EMC2: variants seen among roughly 807,000 people sequenced by gnomAD.
EMC2 encodes ER membrane protein complex subunit 2.
In EMC2, 37 loss-of-function variants were observed where a neutral mutation model predicts 51.6. The observed-to-expected ratio is 0.72, with a 90% CI of 0.55 to 0.94. The LOEUF is 0.94. Ranked by LOEUF, EMC2 falls within the 40% of genes least tolerant of loss-of-function variation. The pLI is 0.00. For synonymous variants in EMC2, 131 were observed against 112.4 expected (o/e 1.17, Z -1.04); for missense variants, 359 against 350.9 (o/e 1.02, Z -0.18).
intron 10 of EMC2, among the ~76,000 whole-genome samples, chr8:108,483,235 A>G (rs1051435336): frequency 1.3e-5 from 2 of 152,110 alleles, no homozygotes; most frequent in African/African-American, 4.8e-5. Context: ...GACCCCCTTG[A>G]GGTATATTGA....
intron 3 of EMC2, among the ~76,000 whole-genome samples, chr8:108,451,790 CAATT>C (rs1461219558): frequency 6.6e-6 from 1 of 152,132 alleles, no homozygotes; most frequent in African/African-American, 2.4e-5. Flanking sequence ...GCAGTATACA[CAATT>C]AAACAGTAAC....
intron 3 of EMC2, among the ~76,000 whole-genome samples, chr8:108,452,522 G>A (rs751129681): frequency 1.3e-4 from 20 of 152,192 alleles, no homozygotes; most frequent in Non-Finnish European, 2.4e-4. Context: ...AGCCAGGATC[G>A]TGCCACTGCA....
At chr8:108,460,249 T>C (rs1002168255) in intron 5 of EMC2, among the ~76,000 whole-genome samples, 6 of 152,222 alleles carry the variant, frequency 3.9e-5, no homozygotes. Context: ...TTGGGAATTT[T>C]TAATAAGTTA....
At position 108,450,616 on chromosome 8, in the gene EMC2, A is replaced by G. The variant is rs1468642283; in HGVS notation, c.219+124A>G. 6 of 694,120 alleles carry G rather than the reference A, an allele frequency of 8.6e-6. No individual in the cohort carries two copies. In the African/African-American group the frequency reaches 1.1e-4, roughly 12 times the overall value. 43.0% of individuals were successfully genotyped at this position (694,120 alleles called of 1,614,324 possible). On this transcript the variant is annotated intron_variant, in intron 3 of 10. Transcript: ENST00000220853. ...AGTTTTGAGTGCTACTCTGAACAGT[A>G]AGTGGAACTAACTAGATATTTTAGG...
chr8:108,465,786 T>C (rs1336527897), intron 5 of EMC2, among the ~76,000 whole-genome samples: 1 of 152,240 alleles, frequency 6.6e-6, no homozygotes, highest in Non-Finnish European at 1.5e-5. Flanking sequence ...AGGGATGATA[T>C]AATTTGTTTA....
intron 7 of EMC2, among the ~76,000 whole-genome samples, chr8:108,473,097 A>G (rs1051658121): frequency 6.6e-6 from 1 of 152,094 alleles, no homozygotes; most frequent in African/African-American, 2.4e-5. Flanking sequence ...AAAAAGGGAT[A>G]TAGAATTGTG....
chr8:108,477,479 A>T (rs760653789), intron 9 of EMC2, among the ~76,000 whole-genome samples: 1 of 152,078 alleles, frequency 6.6e-6, no homozygotes. Context: ...ACCTCCCTAC[A>T]ATAAGAAACG....
chr8:108,468,631 A>T (rs559245858), intron 5 of EMC2, among the ~76,000 whole-genome samples: 8 of 152,118 alleles, frequency 5.3e-5, no homozygotes, highest in Non-Finnish European at 8.8e-5. Context: ...ACCACCCCGT[A>T]ATGAGTAGCT....
chr8:108,486,660 A>T lies in EMC2; in HGVS notation c.*62A>T. ...GCACAATTGAACTTATTGGCCTGTA[A>T]CTTATTTACTAAATGCTCAGTGCTA... On this transcript the variant is annotated 3_prime_UTR_variant, in exon 11 of 11. Coordinates refer to ENST00000220853, the MANE Select transcript of EMC2 (RefSeq NM_014673.5). The T allele has an allele frequency of 6.7e-7, 1 of 1,482,636 alleles. No homozygotes were observed. The highest frequency in any genetic ancestry group is 9.1e-7 in the Non-Finnish European group (1 of 1,098,476). The allele number at this position is 1,482,636 out of a possible 1,614,324, so 91.8% of individuals were successfully genotyped here.
At chr8:108,454,658 T>G (rs1430421588) in intron 4 of EMC2, among the ~76,000 whole-genome samples, 1 of 152,090 alleles carries the variant, frequency 6.6e-6, no homozygotes, top group East Asian at 1.9e-4. Context: ...TTTATTCATT[T>G]TCTAATGCTC....
chr8:108,455,275 G>A (rs1326201516), intron 4 of EMC2, among the ~76,000 whole-genome samples: 2 of 151,830 alleles, frequency 1.3e-5, no homozygotes, highest in African/African-American at 4.8e-5. Flanking sequence ...AATTTTGAAA[G>A]TTTGTATTGA....
chr8:108,444,410 G>T (rs1430021530), intron 1 of EMC2, among the ~76,000 whole-genome samples: 1 of 152,126 alleles, frequency 6.6e-6, no homozygotes, highest in Non-Finnish European at 1.5e-5. Flanking sequence ...AGTGGGATAT[G>T]TTCTTTAAAT....
intron 10 of EMC2, among the ~76,000 whole-genome samples, chr8:108,481,994 A>C (rs1289504441): frequency 2.0e-5 from 3 of 152,182 alleles, no homozygotes; most frequent in Non-Finnish European, 4.4e-5. Context: ...ATTGCTGTAC[A>C]GGTCTTTTGG....
chr8:108,475,813 T>C, intron 7 of EMC2, 69 bp from the exon 8 acceptor site: 1 of 825,832 alleles, frequency 1.2e-6, no homozygotes, highest in Non-Finnish European at 2.0e-6. Context: ...TTTTAAATTA[T>C]TTCAAGGTTT....
chr8:108,479,108 C>T lies in EMC2; in HGVS notation c.805C>T (p.Gln269Ter), dbSNP rs1811001030. 3 of 1,537,028 alleles carry T rather than the reference C, an allele frequency of 2.0e-6. No individual in the cohort carries two copies. The highest frequency in any genetic ancestry group is 2.4e-5 in the East Asian group (1 of 42,002). ...WAASQINRAY[Q>*]FAGRSKKETK... ...AGCTAGTCAAATAAACAGAGCTTAT[C>T]AGGTTAGTATTTATTGATCATTTTG... The change falls in exon 10 of 11, where the codon CAG (glutamine) becomes TAG (stop). Residue 269 changes from glutamine (Q) to a stop codon, truncating the protein, a stop_gained and splice_region_variant. Coordinates refer to ENST00000220853, the MANE Select transcript of EMC2 (RefSeq NM_014673.5). LOFTEE classifies it high-confidence loss of function.
At position 108,470,116 on chromosome 8, in the gene EMC2, A is replaced by G. The variant is rs759859139; in HGVS notation, c.504A>G (p.Glu168=). Residue 168 remains glutamate (E), a synonymous_variant, in exon 7 of 11, where the codon GAA becomes GAG. Transcript: ENST00000220853. ...AACTTGCAGAACTTTACATCAATGA[A>G]CATGAGTAAGTTATTAAACACACAA... ...WHELAELYIN[E]HDYAKAAFCL... The G allele has an allele frequency of 2.6e-5, 42 of 1,608,928 alleles. No individual in the cohort carries two copies. Among genetic ancestry groups the G allele is most frequent in the Non-Finnish European group, 3.6e-5 (42 of 1,175,890 alleles).
chr8:108,452,257 G>T (rs1430791176), intron 3 of EMC2, among the ~76,000 whole-genome samples: 4 of 152,144 alleles, frequency 2.6e-5, no homozygotes, highest in Admixed American at 1.3e-4. Context: ...CCCAAATCAG[G>T]ATATGTTGAT....
intron 1 of EMC2, among the ~76,000 whole-genome samples, chr8:108,444,218 C>T (rs1389343256): frequency 6.6e-6 from 1 of 152,194 alleles, no homozygotes; most frequent in African/African-American, 2.4e-5. Context: ...TTTCCAGTTT[C>T]TTTTCCTTTT....
intron 5 of EMC2, among the ~76,000 whole-genome samples, chr8:108,456,976 C>G (rs912473504): frequency 6.6e-6 from 1 of 152,042 alleles, no homozygotes; most frequent in Non-Finnish European, 1.5e-5. Flanking sequence ...AAGTTTCTCT[C>G]TTATTTGGCA....
Sources: allele counts gnomAD v4.1 joint callset (sites outside exome capture counted in the v4.1 genomes callset), GRCh38; gene constraint gnomAD v4.1.1; transcripts MANE v1.5; gene names NCBI Gene and HGNC (gene_info 2026-07-23, HGNC 2026-07-21).